Variants in PAK5 observed in about 807,000 individuals in gnomAD.
The protein encoded by PAK5 is serine/threonine-protein kinase PAK 5.
Under a neutral mutation model 65.9 loss-of-function variants are expected in PAK5, and 16 were observed. The observed-to-expected ratio is 0.24, with a 90% CI of 0.16 to 0.37. The LOEUF (loss-of-function observed/expected upper bound fraction) is 0.37, where lower values mean the gene tolerates loss of function less well. Ranked by LOEUF, PAK5 falls within the 10% of genes least tolerant of loss-of-function variation. The pLI, the probability that PAK5 is intolerant of heterozygous loss-of-function variation, is 1.00. For missense variants in PAK5, 785 were observed against 903.9 expected (o/e 0.87, Z 1.69); for synonymous variants, 371 against 354.9 (o/e 1.05, Z -0.51).
At chr20:9,810,870 T>C (rs1600399228) in intron 1 of PAK5, among the ~76,000 whole-genome samples, 1 of 152,138 alleles carries the variant, frequency 6.6e-6, no homozygotes, top group Admixed American at 6.6e-5. Flanking sequence ...TAGACATATA[T>C]ACATACACAT....
intron 1 of PAK5, among the ~76,000 whole-genome samples, chr20:9,733,359 A>G (rs1029244611): frequency 6.6e-6 from 1 of 152,126 alleles, no homozygotes; most frequent in African/African-American, 2.4e-5. Flanking sequence ...TAATTAGCAT[A>G]TTCAACACCT....
At chr20:9,822,729 T>C (rs886361650) in intron 1 of PAK5, among the ~76,000 whole-genome samples, 1 of 152,222 alleles carries the variant, frequency 6.6e-6, no homozygotes, top group African/African-American at 2.4e-5. Flanking sequence ...TCCACCCATA[T>C]GCCTACTGAC....
chr20:9,592,720 G>A (rs1010925000), intron 3 of PAK5, among the ~76,000 whole-genome samples: 3 of 152,214 alleles, frequency 2.0e-5, no homozygotes, highest in African/African-American at 7.2e-5. Flanking sequence ...TGTCATGCAA[G>A]TAGGTAGGTA....
At chr20:9,596,823 G>A (rs574727379) in intron 3 of PAK5, among the ~76,000 whole-genome samples, 2 of 152,162 alleles carry the variant, frequency 1.3e-5, no homozygotes, top group South Asian at 2.1e-4. Flanking sequence ...TTGAAAACCC[G>A]TGTCCTAATG....
intron 2 of PAK5, among the ~76,000 whole-genome samples, chr20:9,659,229 T>G: frequency 6.6e-6 from 1 of 152,346 alleles, no homozygotes; most frequent in East Asian, 1.9e-4. Context: ...CATCAGAGCC[T>G]GCTTTCTTTC....
intron 2 of PAK5, among the ~76,000 whole-genome samples, chr20:9,702,318 T>C (rs1208804768): frequency 6.6e-6 from 1 of 152,060 alleles, no homozygotes. Flanking sequence ...ATACTCTCCA[T>C]GGGAAAACAT....
Position 9,538,317 on chromosome 20 carries a change from C to T in PAK5, c.*1145G>A, listed in dbSNP as rs1170934740. On this transcript the variant is annotated 3_prime_UTR_variant, in exon 10 of 10. Coordinates refer to ENST00000353224, the MANE Select transcript of PAK5 (RefSeq NM_177990.4). ...GCTAATTCATCCTCTAGAGTCAGTT[C>T]AGACTTCCAGCACGATACATGAACA... 2 of 233,546 alleles carry T rather than the reference C, an allele frequency of 8.6e-6. No individual in the cohort carries two copies. The highest frequency in any genetic ancestry group is 4.4e-5 in the African/African-American group (2 of 45,338). 14.5% of individuals were successfully genotyped at this position (233,546 alleles called of 1,614,324 possible).
chr20:9,788,328 T>G (rs998956243), intron 1 of PAK5, among the ~76,000 whole-genome samples: 25 of 151,970 alleles, frequency 1.6e-4, no homozygotes, highest in African/African-American at 6.0e-4. Context: ...GATACCTCAT[T>G]CTGACAGGTT....
At chr20:9,738,229 G>T (rs549472893) in intron 1 of PAK5, among the ~76,000 whole-genome samples, 5 of 151,578 alleles carry the variant, frequency 3.3e-5, no homozygotes, top group African/African-American at 1.2e-4. Flanking sequence ...ATGGAAAATT[G>T]TATAACCCAC....
intron 1 of PAK5, among the ~76,000 whole-genome samples, chr20:9,807,557 T>G (rs528208094): frequency 5.6e-4 from 85 of 152,114 alleles, no homozygotes; most frequent in Admixed American, 1.2e-3. Context: ...AATTGAAAGT[T>G]TAGTGGCATT....
chr20:9,693,512 A>G (rs578123802), intron 2 of PAK5, among the ~76,000 whole-genome samples: 4 of 151,858 alleles, frequency 2.6e-5, no homozygotes, highest in African/African-American at 7.2e-5. Context: ...CAATTTCCCC[A>G]TAAGTAATAC....
At chr20:9,623,363 C>A (rs903130416) in intron 3 of PAK5, among the ~76,000 whole-genome samples, 1 of 151,438 alleles carries the variant, frequency 6.6e-6, no homozygotes, top group African/African-American at 2.4e-5. Context: ...AGGAGAGGAA[C>A]AGAATGAAAA....
At chr20:9,750,004 T>C (rs1267040231) in intron 1 of PAK5, among the ~76,000 whole-genome samples, 1 of 152,194 alleles carries the variant, frequency 6.6e-6, no homozygotes, top group South Asian at 2.1e-4. Context: ...CATTATTCAG[T>C]TCTGACTTCT....
intron 1 of PAK5, among the ~76,000 whole-genome samples, chr20:9,813,822 G>T (rs2049325409): frequency 6.6e-6 from 1 of 152,184 alleles, no homozygotes; most frequent in Non-Finnish European, 1.5e-5. Flanking sequence ...CAACTAGAAG[G>T]AAATCCAGCA....
At chr20:9,810,607 C>T (rs1169260548) in intron 1 of PAK5, among the ~76,000 whole-genome samples, 2 of 152,176 alleles carry the variant, frequency 1.3e-5, no homozygotes, top group Non-Finnish European at 2.9e-5. Flanking sequence ...TTAATTTAGA[C>T]ACAACAGTTT....
chr20:9,548,436 G>A (rs1847350868), intron 7 of PAK5, among the ~76,000 whole-genome samples: 1 of 151,750 alleles, frequency 6.6e-6, no homozygotes, highest in Admixed American at 6.6e-5. Context: ...GTGCAGGTTA[G>A]TTACATATGT....
At chr20:9,718,670 A>G (rs577508864) in intron 1 of PAK5, among the ~76,000 whole-genome samples, 1 of 152,308 alleles carries the variant, frequency 6.6e-6, no homozygotes, top group African/African-American at 2.4e-5. Context: ...CTGAATTGAG[A>G]AAACTCAACA....
rs1467185815 is a variant in PAK5, at chr20:9,539,339, C to T, written c.*123G>A. On this transcript the variant is annotated 3_prime_UTR_variant, in exon 10 of 10. Coordinates refer to ENST00000353224, the MANE Select transcript of PAK5 (RefSeq NM_177990.4). ...GTCTGTTGAACCCTGCCGGTCATCA[C>T]GCTGTCCCACCAATTGGCTGGTCTA... The T allele has an allele frequency of 2.6e-5, 23 of 898,930 alleles. No individual in the cohort carries two copies. The highest frequency in any genetic ancestry group is 2.0e-4 in the Admixed American group (10 of 49,492). 55.7% of individuals were successfully genotyped at this position (898,930 alleles called of 1,614,324 possible).
At chr20:9,794,544 G>C (rs2049084326) in intron 1 of PAK5, among the ~76,000 whole-genome samples, 1 of 152,008 alleles carries the variant, frequency 6.6e-6, no homozygotes, top group South Asian at 2.1e-4. Flanking sequence ...AGATGAGTTA[G>C]AACATTTAGT....
Sources: allele counts gnomAD v4.1 joint callset (sites outside exome capture counted in the v4.1 genomes callset), GRCh38; gene constraint gnomAD v4.1.1; transcripts MANE v1.5; gene names NCBI Gene and HGNC (gene_info 2026-07-23, HGNC 2026-07-21).